Variants in YAP1 observed in about 807,000 individuals in gnomAD.
The protein encoded by YAP1 is transcriptional coactivator YAP1.
Under a neutral mutation model 56.9 loss-of-function variants are expected in YAP1, and 5 were observed. The observed-to-expected ratio is 0.09, with a 90% CI of 0.05 to 0.18. YAP1 has a LOEUF of 0.18. Among genes scored for constraint, YAP1 ranks in the 10% least tolerant of loss-of-function variants. The pLI is 1.00. For synonymous variants in YAP1, 265 were observed against 248.1 expected (o/e 1.07, Z -0.64); for missense variants, 539 against 651.8 (o/e 0.83, Z 1.88).
chr11:102,126,649 T>A (rs926797509), intron 2 of YAP1, among the ~76,000 whole-genome samples: 1 of 152,150 alleles, frequency 6.6e-6, no homozygotes, highest in Non-Finnish European at 1.5e-5. Flanking sequence ...AGCATGAAAA[T>A]GAACTAATAC....
intron 3 of YAP1, among the ~76,000 whole-genome samples, chr11:102,182,162 G>A (rs1028538309): frequency 2.0e-5 from 3 of 152,160 alleles, no homozygotes; most frequent in African/African-American, 7.2e-5. Flanking sequence ...ACCGGCATCA[G>A]CACCACCTGG....
At chr11:102,210,126 C>T (rs945934320) in intron 6 of YAP1, among the ~76,000 whole-genome samples, 2 of 152,124 alleles carry the variant, frequency 1.3e-5, no homozygotes, top group African/African-American at 4.8e-5. Context: ...CCCCAGGGAG[C>T]CCTGGTTGTG....
At chr11:102,222,607 A>T (rs867994499) in intron 6 of YAP1, among the ~76,000 whole-genome samples, 27 of 152,094 alleles carry the variant, frequency 1.8e-4, no homozygotes, top group African/African-American at 5.6e-4. Context: ...TTGTTGGATG[A>T]CCCTGAAGAA....
At chr11:102,226,564 A>G (rs1175816414) in intron 7 of YAP1, among the ~76,000 whole-genome samples, 1 of 152,230 alleles carries the variant, frequency 6.6e-6, no homozygotes, top group Non-Finnish European at 1.5e-5. Context: ...GATTTTGTAG[A>G]GTTAGTAGAA....
Position 102,190,957 on chromosome 11 carries a change from A to G in YAP1, c.802+4826A>G, listed in dbSNP as rs531681845. 1.1e-4 allele frequency among the ~76,000 whole-genome samples: 16 copies of G among 151,708 alleles called. No individual in the cohort carries two copies. In the East Asian group the frequency reaches 2.7e-3, roughly 26 times the overall value. On this transcript the variant is annotated intron_variant, in intron 4 of 8. Coordinates refer to ENST00000282441, the MANE Select transcript of YAP1 (RefSeq NM_001130145.3). The stretch of plus-strand genomic sequence containing the variant: ...TCTCAAAAGCCGAGGCTGATGGATC[A>G]TGAGGTTAGAGATCAAGACCATCCT...
At chr11:102,167,732 CA>C (rs891917242) in intron 3 of YAP1, among the ~76,000 whole-genome samples, 2 of 150,314 alleles carry the variant, frequency 1.3e-5, no homozygotes, top group Non-Finnish European at 1.5e-5. Flanking sequence ...GACTCCATCT[CA>C]AAAAAAAAGT....
At chr11:102,151,797 C>T (rs1473463724) in intron 2 of YAP1, among the ~76,000 whole-genome samples, 4 of 152,132 alleles carry the variant, frequency 2.6e-5, no homozygotes, top group African/African-American at 7.2e-5. Context: ...AGCTGATTGA[C>T]AGGAGACTTG....
chr11:102,221,705 A>T (rs1182896609), intron 6 of YAP1, among the ~76,000 whole-genome samples: 1 of 152,090 alleles, frequency 6.6e-6, no homozygotes, highest in Non-Finnish European at 1.5e-5. Flanking sequence ...ATTGGGTGAC[A>T]GAGTGAGACC....
intron 2 of YAP1, among the ~76,000 whole-genome samples, chr11:102,123,023 T>C (rs575573283): frequency 2.6e-5 from 4 of 152,144 alleles, no homozygotes; most frequent in Admixed American, 1.3e-4. Flanking sequence ...CCGCTGGTAC[T>C]TTTAAAAATT....
Position 102,147,557 on chromosome 11 carries a change from A to G in YAP1, c.573-14899A>G, listed in dbSNP as rs572989526. On this transcript the variant is annotated intron_variant, in intron 2 of 8. Coordinates refer to ENST00000282441, the MANE Select transcript of YAP1 (RefSeq NM_001130145.3). ...GCATTATCCCTATTTACAGATGAGG[A>G]AAAGAAGTTCAAAGATGAAATAATA... Among the ~76,000 whole-genome samples the G allele has an allele frequency of 2.6e-5, 4 of 152,352 alleles. No homozygotes were observed. The South Asian group carries it at 8.3e-4, about 32-fold the overall frequency.
intron 4 of YAP1, among the ~76,000 whole-genome samples, chr11:102,195,769 C>T (rs1013709577): frequency 5.9e-5 from 9 of 152,188 alleles, no homozygotes; most frequent in Non-Finnish European, 8.8e-5. Context: ...ATCTGTTAAA[C>T]CTCTTTTCTT....
At position 102,233,326 on chromosome 11, in the gene YAP1, T is replaced by TA. The variant is rs1313750422; in HGVS notation, c.*3387dup. 1 of 152,228 alleles carries TA rather than the reference T, an allele frequency of 6.6e-6. No homozygotes were observed. Among genetic ancestry groups the TA allele is most frequent in the Non-Finnish European group, 1.5e-5 (1 of 68,022 alleles). The allele number at this position is 152,228 out of a possible 1,614,324, so 9.4% of individuals were successfully genotyped here. On this transcript the variant is annotated 3_prime_UTR_variant, in exon 9 of 9. Transcript: ENST00000282441. ...TGTTTTAGATGTAAGAGCATGCTCA[T>TA]ATGTTAGGTACTTACATAAATTGTT...
In YAP1 at chr11:102,151,854, A is replaced by G. The variant is rs370616855; in HGVS notation, c.573-10602A>G. Reference sequence around the variant, plus strand: ...ACCCATTAGTGCCATCACCTCAGGCATGGTTGAGTGACCATTATGAGTTTT... The same window carrying G: ...ACCCATTAGTGCCATCACCTCAGGCGTGGTTGAGTGACCATTATGAGTTTT... On this transcript the variant is annotated intron_variant, in intron 2 of 8. Coordinates refer to ENST00000282441, the MANE Select transcript of YAP1 (RefSeq NM_001130145.3). Among the ~76,000 whole-genome samples, 26 of 152,298 alleles carry G rather than the reference A, an allele frequency of 1.7e-4. No individual in the cohort carries two copies. In the East Asian group the frequency reaches 2.5e-3, roughly 15 times the overall value.
At chr11:102,180,370 G>GA (rs1393443307) in intron 3 of YAP1, among the ~76,000 whole-genome samples, 1 of 152,054 alleles carries the variant, frequency 6.6e-6, no homozygotes, top group African/African-American at 2.4e-5. Context: ...TAGCCAGGAA[G>GA]AAAACATGCA....
At chr11:102,186,323 G>C (rs1345706853) in intron 4 of YAP1, 192 bp downstream of exon 4, 12 of 587,164 alleles carry the variant, frequency 2.0e-5, no homozygotes, top group Non-Finnish European at 3.1e-5. Flanking sequence ...ATCTGAATCA[G>C]ATTTTTAGGG....
In YAP1 at chr11:102,173,720, A is replaced by T. The variant is rs534307017; in HGVS notation, c.688+11149A>T. 3.7e-4 allele frequency among the ~76,000 whole-genome samples: 57 copies of T among 152,352 alleles called. 1 individual carries two copies. Among genetic ancestry groups the T allele is most frequent in the Admixed American group, 3.5e-3 (53 of 15,312 alleles). ...AAATATTGGATCGATCCAAGATTTG[A>T]GCCCAGGTCTGTCTGAATCTAAACC... On this transcript the variant is annotated intron_variant, in intron 3 of 8. Coordinates refer to ENST00000282441, the MANE Select transcript of YAP1 (RefSeq NM_001130145.3).
chr11:102,140,469 C>T (rs995471963), intron 2 of YAP1, among the ~76,000 whole-genome samples: 25 of 152,230 alleles, frequency 1.6e-4, no homozygotes, highest in African/African-American at 5.8e-4. Flanking sequence ...GCCAACAAAA[C>T]TACGCATGAT....
At chr11:102,167,828 A>G (rs1946692596) in intron 3 of YAP1, among the ~76,000 whole-genome samples, 1 of 152,170 alleles carries the variant, frequency 6.6e-6, no homozygotes, top group South Asian at 2.1e-4. Context: ...GCTTGAGCCT[A>G]GGAGTTCAAG....
At chr11:102,129,207 C>A (rs1370243754) in intron 2 of YAP1, among the ~76,000 whole-genome samples, 1 of 152,090 alleles carries the variant, frequency 6.6e-6, no homozygotes, top group African/African-American at 2.4e-5. Flanking sequence ...TGTGTTCAGT[C>A]CCTAATAGAC....
Sources: allele counts gnomAD v4.1 joint callset (sites outside exome capture counted in the v4.1 genomes callset), GRCh38; gene constraint gnomAD v4.1.1; transcripts MANE v1.5; gene names NCBI Gene and HGNC (gene_info 2026-07-23, HGNC 2026-07-21).